The following IFT172 variants were observed in gnomAD, a reference collection of about 807,000 sequenced individuals.
The protein encoded by IFT172 is intraflagellar transport 172, also known as intraflagellar transport protein 172 homolog.
In IFT172, 164 loss-of-function variants were observed where a neutral mutation model predicts 248.9. The ratio of observed to expected loss-of-function variants is 0.66; its 90% CI spans 0.58 to 0.75. The LOEUF (loss-of-function observed/expected upper bound fraction) is 0.75, where lower values mean the gene tolerates loss of function less well. Among genes scored for constraint, IFT172 ranks in the 30% least tolerant of loss-of-function variants. The pLI is 0.00. For synonymous variants in IFT172, 729 were observed against 791.6 expected, an observed-to-expected ratio of 0.92 and a Z score of 1.33; for missense variants, 1,950 against 2,192.4, an observed-to-expected ratio of 0.89 and a Z score of 2.21.
intron 4 of IFT172, 128 bp from the exon 5 acceptor site, chr2:27,484,065 A>G (rs1668576160): frequency 7.8e-7 from 1 of 1,276,096 alleles, no homozygotes; most frequent in East Asian, 2.3e-5. Context: ...CAGGGCTCTA[A>G]GGAAGACAGC....
chr2:27,474,349 T>C (rs150207117), intron 14 of IFT172, among the ~76,000 whole-genome samples: 2 of 152,336 alleles, frequency 1.3e-5, no homozygotes, highest in African/African-American at 4.8e-5. Context: ...TGACAGAGAT[T>C]GCGTTACAAA....
chr2:27,458,211 A>T lies in IFT172; in HGVS notation c.2890T>A (p.Cys964Ser). 1 of 1,614,132 alleles carries T rather than the reference A, an allele frequency of 6.2e-7. No homozygotes were observed. Among genetic ancestry groups the T allele is most frequent in the Non-Finnish European group, 8.5e-7 (1 of 1,180,000 alleles). Residue 964 changes from cysteine (C) to serine (S), a missense_variant, in exon 27 of 48, where the codon TGC becomes AGC. Physicochemically the swap from Cys to Ser is moderately radical, Grantham distance 112. Around this residue, in one of 3 missense-constraint regions of IFT172, gnomAD observed 1,166 missense variants for 1,254.1 expected, o/e 0.93. Transcript: ENST00000260570. Reference sequence around the variant, plus strand: ...ACTGACACATCTTCTGGTCTCATGCATTTCATCGCCAGCTGTGGAGGCACA... The same window carrying T: ...ACTGACACATCTTCTGGTCTCATGCTTTTCATCGCCAGCTGTGGAGGCACA... ...WEQAHKLAMK[C>S]MRPEDVSVLY...
intron 14 of IFT172, among the ~76,000 whole-genome samples, chr2:27,473,471 C>A (rs371643090): frequency 6.6e-6 from 1 of 150,536 alleles, no homozygotes; most frequent in Non-Finnish European, 1.5e-5. Flanking sequence ...CCACCACGAC[C>A]GGCTAATTTT....
Position 27,458,786 on chromosome 2 carries a change from G to A in IFT172, c.2870C>T (p.Ala957Val), listed in dbSNP as rs901720815. Residue 957 changes from alanine (A) to valine (V), a missense_variant, in exon 26 of 48, where the codon GCC becomes GTC. By Grantham distance (64) the Ala-to-Val change is moderately conservative. Coordinates refer to ENST00000260570, the MANE Select transcript of IFT172 (RefSeq NM_015662.3). Reference sequence around the variant, plus strand: ...AACTCCACCCATCCCTACCTTGTGGGCTTGTTCCCAACGACCAGCCTGGGT... The same window carrying A: ...AACTCCACCCATCCCTACCTTGTGGACTTGTTCCCAACGACCAGCCTGGGT... ...MYTQAGRWEQAHKLAMKCMRP... is the reference protein window; with the variant it reads ...MYTQAGRWEQVHKLAMKCMRP... The A allele has an allele frequency of 3.7e-6, 6 of 1,614,088 alleles. No individual in the cohort carries two copies. The highest frequency in any genetic ancestry group is 5.1e-6 in the Non-Finnish European group (6 of 1,179,998).
At chr2:27,470,250 AAGAG>A (rs1402910424) in intron 16 of IFT172, among the ~76,000 whole-genome samples, 1 of 128,762 alleles carries the variant, frequency 7.8e-6, no homozygotes, top group Non-Finnish European at 1.7e-5. Context: ...TCTCAGAAAG[AAGAG>A]AGAGAAAGAG....
intron 47 of IFT172, 58 bp from the exon 48 acceptor site, chr2:27,444,579 G>C: frequency 1.5e-6 from 2 of 1,365,052 alleles, no homozygotes; most frequent in East Asian, 2.3e-5. Flanking sequence ...TACAAAATCA[G>C]CTCCATCGCA....
chr2:27,447,701 C>CT lies in IFT172; in HGVS notation c.4540-68dup, dbSNP rs769084546. On this transcript the variant is annotated intron_variant, in intron 41 of 47. Coordinates refer to ENST00000260570, the MANE Select transcript of IFT172 (RefSeq NM_015662.3). Reference sequence around the variant, plus strand: ...GAGTGCCAGGGCCATAGAGTGGTCTCTGATAGCCACCTGGCAGAGGAAGGT... The same window carrying CT: ...GAGTGCCAGGGCCATAGAGTGGTCTCTTGATAGCCACCTGGCAGAGGAAGGT... 152 of 1,612,212 alleles carry CT rather than the reference C, an allele frequency of 9.4e-5. 1 individual carries two copies. The Admixed American group carries it at 2.4e-3, about 26-fold the overall frequency.
chr2:27,471,128 A>T, intron 15 of IFT172, 33 bp from the exon 16 acceptor site: 10 of 1,601,750 alleles, frequency 6.2e-6, no homozygotes, highest in Non-Finnish European at 8.5e-6. Flanking sequence ...ACACAATTAC[A>T]AGGGGATGTG....
At chr2:27,447,415 G>C in intron 42 of IFT172, 100 bp downstream of exon 42, 1 of 1,486,830 alleles carries the variant, frequency 6.7e-7, no homozygotes, top group South Asian at 1.3e-5. Flanking sequence ...GGAGATTCAA[G>C]AGCCCAAGCT....
chr2:27,489,081 T>C (rs1431546692), intron 1 of IFT172, among the ~76,000 whole-genome samples: 2 of 152,118 alleles, frequency 1.3e-5, no homozygotes, highest in African/African-American at 4.8e-5. Flanking sequence ...AAGGACAAGG[T>C]AAGAAATTTT....
rs377200724 is a variant in IFT172, at chr2:27,445,952, T to G, written c.4792A>C (p.Asn1598His). ...GWDNMAFIFL[N>H]RFLDLTDAIE... ...ACATCGGTCAGGTCCAAAAAGCGAT[T>G]GAGGAAGATGAATGCCATGTTATCC... The change falls in exon 44 of 48, where the codon AAT (asparagine) becomes CAT (histidine). Residue 1598 changes from asparagine to histidine, a missense_variant. Around this residue, in one of 3 missense-constraint regions of IFT172, gnomAD observed 620 missense variants for 699.0 expected, o/e 0.89. Coordinates refer to ENST00000260570, the MANE Select transcript of IFT172 (RefSeq NM_015662.3). This position sits in a 1 kb window ranked among gnomAD's most constrained non-coding sequence, Gnocchi z 4.4. The G allele has an allele frequency of 6.2e-7, 1 of 1,614,164 alleles. No homozygotes were observed. The highest frequency in any genetic ancestry group is 8.5e-7 in the Non-Finnish European group (1 of 1,180,020).
chr2:27,446,921 G>A (rs1433751249), intron 42 of IFT172, among the ~76,000 whole-genome samples: 2 of 151,690 alleles, frequency 1.3e-5, no homozygotes, highest in Admixed American at 6.6e-5. Flanking sequence ...GGATGGTCTC[G>A]ATCTCCTGAC....
chr2:27,462,926 G>T, intron 19 of IFT172, 133 bp from the exon 20 acceptor site: 3 of 1,152,602 alleles, frequency 2.6e-6, no homozygotes, highest in East Asian at 2.4e-5. Context: ...GGAGCTTAAA[G>T]GTTTGAGGTT....
chr2:27,462,205 TG>T (rs1348659149), intron 20 of IFT172, among the ~76,000 whole-genome samples: 1 of 152,130 alleles, frequency 6.6e-6, no homozygotes, highest in Non-Finnish European at 1.5e-5. Flanking sequence ...GCTAATTTTT[TG>T]TATTTTTAGT....
chr2:27,460,925 G>A (rs1323188999), intron 23 of IFT172, 90 bp downstream of exon 23: 12 of 1,445,672 alleles, frequency 8.3e-6, no homozygotes, highest in Admixed American at 1.7e-5. Flanking sequence ...CCACAGGTGT[G>A]TAGGGGCAAC....
At chr2:27,477,883 A>C (rs746893342) in intron 11 of IFT172, 112 bp downstream of exon 11, 2 of 1,361,288 alleles carry the variant, frequency 1.5e-6, no homozygotes, top group Non-Finnish European at 2.0e-6. Context: ...GGTCCCCTAC[A>C]CCAGAATGTT....
chr2:27,451,355 T>C (rs1056310227), intron 35 of IFT172, among the ~76,000 whole-genome samples: 1 of 152,200 alleles, frequency 6.6e-6, no homozygotes, highest in African/African-American at 2.4e-5. Flanking sequence ...CCAAGTTACA[T>C]ATATCAGATG....
rs915032282 is a variant in IFT172 at position 27,446,318 on chromosome 2, C to T, written c.4697G>A (p.Arg1566His). ...VAARLSVSLL[R>H]HTQLLPVDKA... ...GTCTACAGGTAGTAGCTGGGTGTGA[C>T]GCAAGAGTGAAACAGAAAGCCTGGC... Residue 1566 changes from arginine to histidine, a missense_variant, in exon 43 of 48, where the codon CGT becomes CAT. By Grantham distance (29) the Arg-to-His change is conservative. Transcript: ENST00000260570. 8.7e-6 allele frequency: 14 copies of T among 1,614,082 alleles called. No homozygotes were observed. The highest frequency in any genetic ancestry group is 4.0e-5 in the African/African-American group (3 of 74,922).
chr2:27,483,123 C>T (rs1156772773), intron 7 of IFT172, among the ~76,000 whole-genome samples, 166 bp downstream of exon 7: 1 of 151,762 alleles, frequency 6.6e-6, no homozygotes, highest in Non-Finnish European at 1.5e-5. Flanking sequence ...TCCACTTCGG[C>T]TTCCTGAGTA....
Sources: allele counts gnomAD v4.1 joint callset (sites outside exome capture counted in the v4.1 genomes callset), GRCh38; gene constraint gnomAD v4.1.1; regional missense constraint gnomAD v4.1.1; non-coding constraint Gnocchi (gnomAD v3.1); transcripts MANE v1.5; gene names NCBI Gene and HGNC (gene_info 2026-07-23, HGNC 2026-07-21).